The following EML1 variants were observed in gnomAD, a reference collection of about 807,000 sequenced individuals.
EML1 encodes echinoderm microtubule-associated protein-like 1.
Under a neutral mutation model 110.4 loss-of-function variants are expected in EML1, and 27 were observed. The ratio of observed to expected loss-of-function variants is 0.24; its 90% CI spans 0.18 to 0.34. The LOEUF is 0.34. Ranked by LOEUF, EML1 falls within the 10% of genes least tolerant of loss-of-function variation. The pLI is 1.00. For missense variants in EML1, 741 were observed against 1,030.9 expected (o/e 0.72, Z 3.85); for synonymous variants, 344 against 385.8 (o/e 0.89, Z 1.27).
chr14:99,907,967 T>C (rs28575564), intron 10 of EML1, among the ~76,000 whole-genome samples: 20,739 of 152,304 alleles, frequency 0.14, 1,597 homozygotes, highest in African/African-American at 0.21. Context: ...CTTCCTCATT[T>C]CATAGCCACT....
intron 1 of EML1, among the ~76,000 whole-genome samples, chr14:99,754,964 G>A (rs776230619): frequency 5.3e-5 from 8 of 152,230 alleles, no homozygotes; most frequent in Non-Finnish European, 1.2e-4. Flanking sequence ...AGGAAAAGCT[G>A]TAAACCTAAC....
intron 1 of EML1, among the ~76,000 whole-genome samples, chr14:99,796,858 G>A (rs529594613): frequency 7.2e-5 from 11 of 151,980 alleles, no homozygotes; most frequent in Non-Finnish European, 1.3e-4. Context: ...AACTTTATCA[G>A]GCCACAGAAC....
intron 3 of EML1, among the ~76,000 whole-genome samples, chr14:99,870,939 C>G (rs1391607408): frequency 2.0e-5 from 3 of 151,984 alleles, no homozygotes; most frequent in African/African-American, 4.8e-5. Context: ...TTTCAACTGT[C>G]AAGTTTTATT....
intron 1 of EML1, among the ~76,000 whole-genome samples, chr14:99,758,888 G>C (rs75214496): frequency 0.036 from 5,480 of 152,314 alleles, 307 homozygotes; most frequent in African/African-American, 0.12. Flanking sequence ...TCGGACTCTG[G>C]GTTTGCAAAG....
Position 99,936,742 on chromosome 14 carries a change from TG to T in EML1, c.2095+411del, listed in dbSNP as rs1031449248. On this transcript the variant is annotated intron_variant, in intron 19 of 21. Coordinates refer to ENST00000262233, the MANE Select transcript of EML1 (RefSeq NM_004434.3). The surrounding 1 kb of genome is among the most constrained non-coding windows in gnomAD (Gnocchi z 5.5). ...GAGGGACCATGAAGTCCATCCCCGCTGGGTGGACGGCAGCCCTGGGACCCCT... is the reference window on the plus strand; with the variant it reads ...GAGGGACCATGAAGTCCATCCCCGCTGGTGGACGGCAGCCCTGGGACCCCT... Among the ~76,000 whole-genome samples the T allele has an allele frequency of 1.1e-4, 16 of 152,212 alleles. No homozygotes were observed. In the East Asian group the frequency reaches 2.9e-3, roughly 28 times the overall value.
At position 99,940,162 on chromosome 14, in the gene EML1, C is replaced by T. The variant is rs753798440; in HGVS notation, c.*50C>T. The T allele has an allele frequency of 1.0e-5, 15 of 1,437,200 alleles. No homozygotes were observed. Among genetic ancestry groups the T allele is most frequent in the South Asian group, 9.1e-5 (6 of 65,608 alleles). 89.0% of individuals were successfully genotyped at this position (1,437,200 alleles called of 1,614,324 possible). On this transcript the variant is annotated 3_prime_UTR_variant, in exon 22 of 22. Transcript: ENST00000262233. ...AGCATGGGCAAGGAAGACACAGACT[C>T]GCATTACCCTTGGTCACTGTGATTT...
intron 1 of EML1, among the ~76,000 whole-genome samples, chr14:99,815,347 T>C (rs569697727): frequency 3.3e-4 from 50 of 152,168 alleles, no homozygotes; most frequent in African/African-American, 1.2e-3. Context: ...TTCACTGTGT[T>C]AGCCAGGATG....
chr14:99,873,124 A>G (rs1211429712), intron 3 of EML1, among the ~76,000 whole-genome samples: 5 of 152,202 alleles, frequency 3.3e-5, no homozygotes, highest in African/African-American at 1.2e-4. Flanking sequence ...GAGGCTGACA[A>G]TGGAGTAACA....
chr14:99,793,366 G>GCAGGGCCGGCCCCAGCGC (rs2057704829), upstream of EML1: 3 of 990,776 alleles, frequency 3.0e-6, no homozygotes, highest in African/African-American at 1.8e-5. Context: ...AGCCGCCACA[G>GCAGGGCCGGCCCCAGCGC]CAGGGCCGGC....
intron 17 of EML1, among the ~76,000 whole-genome samples, chr14:99,935,781 CAAA>C (rs1160100015): frequency 4.8e-5 from 4 of 83,710 alleles, no homozygotes; most frequent in African/African-American, 4.9e-5. Flanking sequence ...GACTCCGTCT[CAAA>C]AAAAAAAAAA....
chr14:99,917,031 G>A (rs2060045117), intron 15 of EML1, among the ~76,000 whole-genome samples: 1 of 152,056 alleles, frequency 6.6e-6, no homozygotes, highest in South Asian at 2.1e-4. Context: ...ATCCTTCCAG[G>A]CCTCCATAGT....
At chr14:99,803,241 G>A (rs560480045) in intron 1 of EML1, among the ~76,000 whole-genome samples, 18 of 152,138 alleles carry the variant, frequency 1.2e-4, no homozygotes, top group Admixed American at 1.2e-3. Flanking sequence ...CGCACCAGGC[G>A]CCACCAGGCA....
At chr14:99,838,870 G>C (rs958739863) in intron 1 of EML1, among the ~76,000 whole-genome samples, 3 of 146,566 alleles carry the variant, frequency 2.0e-5, no homozygotes, top group Non-Finnish European at 4.4e-5. Context: ...TTTAGTTTCT[G>C]ACAGAAACAA....
At chr14:99,826,860 C>T (rs991968006) in intron 1 of EML1, among the ~76,000 whole-genome samples, 5 of 152,174 alleles carry the variant, frequency 3.3e-5, no homozygotes, top group African/African-American at 1.2e-4. Context: ...AGGACTTCAT[C>T]AGGACTGGAA....
chr14:99,806,035 A>G (rs572679041), intron 1 of EML1, among the ~76,000 whole-genome samples: 1 of 152,272 alleles, frequency 6.6e-6, no homozygotes, highest in African/African-American at 2.4e-5. Context: ...ACTACTTTAG[A>G]TATCTCATGT....
intron 1 of EML1, among the ~76,000 whole-genome samples, chr14:99,836,449 A>G (rs777892074): frequency 2.9e-4 from 44 of 152,206 alleles, no homozygotes; most frequent in Non-Finnish European, 5.3e-4. Context: ...CATTTATATC[A>G]TCTGCAAATA....
intron 1 of EML1, among the ~76,000 whole-genome samples, chr14:99,785,454 G>A (rs1016045376): frequency 1.3e-5 from 2 of 152,226 alleles, no homozygotes; most frequent in Admixed American, 1.3e-4. Context: ...GCAAGAGATG[G>A]CAAGAGACTG....
At chr14:99,906,225 C>T (rs1694684252) in intron 9 of EML1, among the ~76,000 whole-genome samples, 1 of 152,118 alleles carries the variant, frequency 6.6e-6, no homozygotes, top group African/African-American at 2.4e-5. Flanking sequence ...CCAATCCAGA[C>T]CCCAAAAGAG....
intron 7 of EML1, 62 bp downstream of exon 7, chr14:99,897,356 G>A: frequency 6.7e-7 from 1 of 1,502,320 alleles, no homozygotes. Flanking sequence ...ATCGCTTGAG[G>A]CCAGGAGTTC....
Sources: gnomAD v4.1 joint callset for allele counts (sites outside exome capture counted in the v4.1 genomes callset) on GRCh38, gnomAD v4.1.1 for gene constraint, Gnocchi (gnomAD v3.1) non-coding constraint, MANE v1.5 for transcripts, NCBI Gene and HGNC (gene_info 2026-07-23, HGNC 2026-07-21) for gene names.